Variants in PLEKHG2 observed in about 807,000 individuals in gnomAD.
PLEKHG2 encodes the protein pleckstrin homology and RhoGEF domain containing G2, also known as pleckstrin homology domain-containing family G member 2.
A neutral mutation model predicts 104.4 loss-of-function variants in PLEKHG2; 71 were observed. That is an observed-to-expected ratio of 0.68 (90% CI 0.56 to 0.83). The LOEUF (loss-of-function observed/expected upper bound fraction) is 0.83, where lower values mean the gene tolerates loss of function less well. Among genes scored for constraint, PLEKHG2 ranks in the 40% least tolerant of loss-of-function variants. The pLI, the probability that PLEKHG2 is intolerant of heterozygous loss-of-function variation, is 0.00. For synonymous variants in PLEKHG2, 728 were observed against 737.0 expected, an observed-to-expected ratio of 0.99 and a Z score of 0.20; for missense variants, 1,730 against 1,809.4, an observed-to-expected ratio of 0.96 and a Z score of 0.80.
intron 11 of PLEKHG2, among the ~76,000 whole-genome samples, chr19:39,419,646 G>A (rs993895475): frequency 1.3e-5 from 2 of 152,182 alleles, no homozygotes; most frequent in Admixed American, 6.5e-5. Context: ...GGGAGGCCGA[G>A]GCGGGCGGAT....
intron 16 of PLEKHG2, 169 bp from the exon 17 acceptor site, chr19:39,421,946 G>A (rs976169095): frequency 2.1e-5 from 12 of 563,668 alleles, no homozygotes; most frequent in Non-Finnish European, 2.5e-5. Context: ...GAACCCGGGA[G>A]GCGGAGATTG....
intron 11 of PLEKHG2, among the ~76,000 whole-genome samples, chr19:39,419,942 A>G (rs893784887): frequency 1.3e-5 from 2 of 152,008 alleles, no homozygotes; most frequent in Admixed American, 6.6e-5. Flanking sequence ...AATCCCAGCT[A>G]CTAGGGAGGC....
Position 39,423,093 on chromosome 19 carries a change from C to T in PLEKHG2, c.2039C>T (p.Thr680Ile), listed in dbSNP as rs1343791342. 4 of 1,614,058 alleles carry T rather than the reference C, an allele frequency of 2.5e-6. No homozygotes were observed. Among genetic ancestry groups the T allele is most frequent in the Non-Finnish European group, 3.4e-6 (4 of 1,180,030 alleles). Residue 680 changes from threonine to isoleucine, a missense_variant, in exon 18 of 19, where the codon ACC becomes ATC. Coordinates refer to ENST00000425673, the MANE Select transcript of PLEKHG2 (RefSeq NM_022835.3). ...CCAGCCATACCTAGTGTCCCCAACACCCCCAGTCTGTCTAGCACTCCCACC... is the reference window on the plus strand; with the variant it reads ...CCAGCCATACCTAGTGTCCCCAACATCCCCAGTCTGTCTAGCACTCCCACC... Reference protein sequence around the residue: ...CLPAIPSVPNTPSLSSTPTLS... With the variant: ...CLPAIPSVPNIPSLSSTPTLS...
Position 39,415,014 on chromosome 19 carries a change from C to G in PLEKHG2, c.132C>G (p.Ala44=). The G allele has an allele frequency of 6.3e-7, 1 of 1,597,010 alleles. No homozygotes were observed. Among genetic ancestry groups the G allele is most frequent in the Non-Finnish European group, 8.5e-7 (1 of 1,170,038 alleles). The change falls in exon 3 of 19, where the codon GCC becomes GCG. Residue 44 remains alanine (A), a synonymous_variant. Coordinates refer to ENST00000425673, the MANE Select transcript of PLEKHG2 (RefSeq NM_022835.3). The surrounding 1 kb of genome is among the most constrained non-coding windows in gnomAD (Gnocchi z 4.6). ...CAGCTCCTGCAGCCCCCACCATGGC[C>G]TCCCCCCGAGGTTCTGGGAGCTCCA... ...TRTAPAAPTM[A]SPRGSGSSTS... is the part of the protein sequence containing the mutation.
In PLEKHG2 at chr19:39,424,948, C is replaced by T. The variant is rs1309530463; in HGVS notation, c.3815C>T (p.Pro1272Leu). ...CCTTCCAGCCGTCAGCTCCTGGGCCCCAATGCAGCTGCCCTCTCCAGATAC... is the reference window on the plus strand; with the variant it reads ...CCTTCCAGCCGTCAGCTCCTGGGCCTCAATGCAGCTGCCCTCTCCAGATAC... ...PPPSSRQLLG[P>L]NAAALSRYLA... The change falls in exon 19 of 19, where the codon CCC becomes CTC. Residue 1272 changes from proline to leucine, a missense_variant. Coordinates refer to ENST00000425673, the MANE Select transcript of PLEKHG2 (RefSeq NM_022835.3). 5 of 1,614,120 alleles carry T rather than the reference C, an allele frequency of 3.1e-6. No homozygotes were observed. Among genetic ancestry groups the T allele is most frequent in the Non-Finnish European group, 4.2e-6 (5 of 1,180,052 alleles).
rs370210117 is a variant in PLEKHG2 at position 39,416,304 on chromosome 19, G to A, written c.480-44G>A. 1 of 1,604,330 alleles carries A rather than the reference G, an allele frequency of 6.2e-7. No individual in the cohort carries two copies. Among genetic ancestry groups the A allele is most frequent in the Non-Finnish European group, 8.5e-7 (1 of 1,173,438 alleles). ...CCTCCTGGAGGCCTCCCATGGAGGG[G>A]TCGTGAAGGCAGGCGGTTCCTCACC... On this transcript the variant is annotated intron_variant, in intron 4 of 18. Coordinates refer to ENST00000425673, the MANE Select transcript of PLEKHG2 (RefSeq NM_022835.3). This position sits in a 1 kb window ranked among gnomAD's most constrained non-coding sequence, Gnocchi z 4.5.
chr19:39,415,243 C>T lies in PLEKHG2; in HGVS notation c.361C>T (p.Leu121Phe). ...VETERAYVRD[L>F]RSIVEDYLGP... Reference sequence around the variant, plus strand: ...GACAGAACGGGCCTATGTCAGGGACCTCCGCAGCATCGTGGAGGTAAGGCG... The same window carrying T: ...GACAGAACGGGCCTATGTCAGGGACTTCCGCAGCATCGTGGAGGTAAGGCG... Residue 121 changes from leucine to phenylalanine, a missense_variant, in exon 3 of 19, where the codon CTC becomes TTC. Leu to Phe is a conservative substitution (Grantham distance 22). Transcript: ENST00000425673. This position sits in a 1 kb window ranked among gnomAD's most constrained non-coding sequence, Gnocchi z 4.6. The T allele has an allele frequency of 2.5e-6, 4 of 1,588,244 alleles. No homozygotes were observed. The highest frequency in any genetic ancestry group is 3.4e-6 in the Non-Finnish European group (4 of 1,166,716).
intron 8 of PLEKHG2, 64 bp downstream of exon 8, chr19:39,417,756 T>TGGGGGGCTTGGGGGGGGGG: frequency 1.2e-5 from 4 of 343,330 alleles, no homozygotes; most frequent in Non-Finnish European, 8.9e-6. Flanking sequence ...TTGGGGCGGG[T>TGGGGGGCTTGGGGGGGGGG]GGGGGGAAAT....
At chr19:39,421,922 C>G in intron 16 of PLEKHG2, 193 bp from the exon 17 acceptor site, 1 of 457,296 alleles carries the variant, frequency 2.2e-6, no homozygotes, top group South Asian at 4.6e-5. Context: ...GAGGCTGAGG[C>G]AGCAGAATCG....
intron 9 of PLEKHG2, 36 bp downstream of exon 9, chr19:39,418,141 CT>C: frequency 6.9e-7 from 1 of 1,453,132 alleles, no homozygotes; most frequent in East Asian, 2.5e-5. Flanking sequence ...AGAATACTAC[CT>C]ACAAAGTATA....
At chr19:39,414,672 T>C (rs760259105) in intron 2 of PLEKHG2, among the ~76,000 whole-genome samples, 3 of 152,136 alleles carry the variant, frequency 2.0e-5, no homozygotes, top group Non-Finnish European at 4.4e-5. Context: ...GCCCTGTGGA[T>C]CTGAGGAGTT....
Position 39,416,948 on chromosome 19 carries a change from GCTT to G in PLEKHG2, c.694_696del (p.Phe232del). ...CTTCGCCACTCGCTGCCCCTGCAGAGCTTCCTGCTGAAACCTGTCCAGCGCATT... is the reference window on the plus strand; with the variant it reads ...CTTCGCCACTCGCTGCCCCTGCAGAGCCTGCTGAAACCTGTCCAGCGCATT... On this transcript the variant is annotated inframe_deletion, in exon 7 of 19. Coordinates refer to ENST00000425673, the MANE Select transcript of PLEKHG2 (RefSeq NM_022835.3). This position sits in a 1 kb window ranked among gnomAD's most constrained non-coding sequence, Gnocchi z 4.5. 1 of 1,613,464 alleles carries G rather than the reference GCTT, an allele frequency of 6.2e-7. No homozygotes were observed. The highest frequency in any genetic ancestry group is 8.5e-7 in the Non-Finnish European group (1 of 1,179,956).
In PLEKHG2 at chr19:39,415,448, CA is replaced by C. The variant is rs1173197053; in HGVS notation, c.479+10del. The C allele has an allele frequency of 2.4e-5, 39 of 1,613,350 alleles. No individual in the cohort carries two copies. The highest frequency in any genetic ancestry group is 3.1e-5 in the Non-Finnish European group (37 of 1,179,742). On this transcript the variant is annotated intron_variant, in intron 4 of 18. Coordinates refer to ENST00000425673, the MANE Select transcript of PLEKHG2 (RefSeq NM_022835.3). The surrounding 1 kb of genome is among the most constrained non-coding windows in gnomAD (Gnocchi z 4.6). The stretch of plus-strand genomic sequence containing the variant: ...ATCTACGAGTTCAGCAGGTCAGGGG[CA>C]GGGGGGACAGGCAGGGGGCATTGAT...
Position 39,425,701 on chromosome 19 carries a change from G to A in PLEKHG2, c.*407G>A, listed in dbSNP as rs1311303522. ...AACTGCTTGATGCCCATCCAGGAAA[G>A]CCAAGTTAAGAAGCTTTGCTTCAAG... On this transcript the variant is annotated 3_prime_UTR_variant, in exon 19 of 19. Coordinates refer to ENST00000425673, the MANE Select transcript of PLEKHG2 (RefSeq NM_022835.3). 1 of 297,388 alleles carries A rather than the reference G, an allele frequency of 3.4e-6. No individual in the cohort carries two copies. Among genetic ancestry groups the A allele is most frequent in the Non-Finnish European group, 6.1e-6 (1 of 162,838 alleles). The allele number at this position is 297,388 out of a possible 1,614,324, so 18.4% of individuals were successfully genotyped here. A position where few individuals can be genotyped will look rare whatever the true frequency, so the allele number is the denominator to read the frequency against.
rs750225185 is a variant in PLEKHG2, at chr19:39,421,080, G to A, written c.1453G>A (p.Val485Met). ...TCACTGTGTCCTCCCCGCAGAGCCG[G>A]TGAAGGACCCTTATGTCATGTTCCC... ...IRRGRRQSEP[V>M]KDPYVMFPQN... Residue 485 changes from valine (V) to methionine (M), a missense_variant, in exon 15 of 19, where the codon GTG (valine) becomes ATG (methionine). Val to Met is a conservative substitution (Grantham distance 21). Coordinates refer to ENST00000425673, the MANE Select transcript of PLEKHG2 (RefSeq NM_022835.3). 1.6e-5 allele frequency: 26 copies of A among 1,614,080 alleles called. No individual in the cohort carries two copies. Among genetic ancestry groups the A allele is most frequent in the South Asian group, 2.2e-5 (2 of 91,082 alleles).
chr19:39,421,727 T>G (rs931724553), intron 16 of PLEKHG2: 10 of 207,200 alleles, frequency 4.8e-5, no homozygotes, highest in Non-Finnish European at 9.7e-5. Context: ...ATAAAAAAAT[T>G]TAAAAATTGA....
rs916167439 is a variant in PLEKHG2 at position 39,416,576 on chromosome 19, T to C, written c.572T>C (p.Leu191Ser). Residue 191 changes from leucine to serine, a missense_variant, in exon 6 of 19, where the codon TTG becomes TCG. Physicochemically the swap from Leu to Ser is moderately radical, Grantham distance 145. Transcript: ENST00000425673. The surrounding 1 kb of genome is among the most constrained non-coding windows in gnomAD (Gnocchi z 4.5). ...QRSEDFDIYT[L>S]YCMNYPSSLA... ...AGCGAGGATTTTGACATCTACACAT[T>C]GTACTGCATGAACTACCCGAGGTGA... The C allele has an allele frequency of 6.2e-7, 1 of 1,613,842 alleles. No individual in the cohort carries two copies.
chr19:39,418,899 AC>A lies in PLEKHG2; in HGVS notation c.1177-17del, dbSNP rs781077131. On this transcript the variant is annotated splice_polypyrimidine_tract_variant and intron_variant, in intron 10 of 18. Transcript: ENST00000425673. ...ACCTCACACCTGGCCCCCTGACTCT[AC>A]TCCAACCCACTCCTAGGCCAAGAAC... 6.2e-7 allele frequency: 1 copy of A among 1,605,912 alleles called. No homozygotes were observed. The highest frequency in any genetic ancestry group is 8.5e-7 in the Non-Finnish European group (1 of 1,175,066).
intron 16 of PLEKHG2, 89 bp from the exon 17 acceptor site, chr19:39,422,026 A>T (rs2078705929): frequency 4.4e-6 from 6 of 1,370,908 alleles, no homozygotes; most frequent in South Asian, 1.5e-5. Flanking sequence ...CAAAACAAAC[A>T]AACGCAAAAG....
Sources: gnomAD v4.1 joint callset for allele counts (sites outside exome capture counted in the v4.1 genomes callset) on GRCh38, gnomAD v4.1.1 for gene constraint, Gnocchi (gnomAD v3.1) non-coding constraint, MANE v1.5 for transcripts, NCBI Gene and HGNC (gene_info 2026-07-23, HGNC 2026-07-21) for gene names.